BRINP1: variants seen among roughly 807,000 people sequenced by gnomAD.
BRINP1 encodes the protein BMP/retinoic acid inducible neural specific 1, also known as BMP/retinoic acid-inducible neural-specific protein 1.
A neutral mutation model predicts 72.9 loss-of-function variants in BRINP1; 17 were observed. That is an observed-to-expected ratio of 0.23 (90% CI 0.16 to 0.35). The LOEUF is 0.35. Among genes scored for constraint, BRINP1 ranks in the 10% least tolerant of loss-of-function variants. The pLI is 1.00. For synonymous variants in BRINP1, 418 were observed against 378.5 expected, an observed-to-expected ratio of 1.10 and a Z score of -1.21; for missense variants, 850 against 1,001.6, an observed-to-expected ratio of 0.85 and a Z score of 2.04.
At chr9:119,168,501 C>A (rs1829348668) in intron 7 of BRINP1, among the ~76,000 whole-genome samples, 1 of 140,354 alleles carries the variant, frequency 7.1e-6, no homozygotes, top group Non-Finnish European at 1.6e-5. Context: ...TCCTTGGGGT[C>A]CTTCCAGCTC....
chr9:119,213,389 T>C (rs1363099464), intron 6 of BRINP1, among the ~76,000 whole-genome samples: 1 of 152,208 alleles, frequency 6.6e-6, no homozygotes. Flanking sequence ...TTCTGAACTA[T>C]GAAAGGCAGA....
chr9:119,320,744 C>T (rs1040192560), intron 1 of BRINP1, among the ~76,000 whole-genome samples: 5 of 152,092 alleles, frequency 3.3e-5, no homozygotes, highest in South Asian at 2.1e-4. Flanking sequence ...GTTCAATGCT[C>T]GGCTATAATC....
intron 1 of BRINP1, among the ~76,000 whole-genome samples, chr9:119,314,057 T>C (rs990122710): frequency 6.6e-6 from 1 of 152,208 alleles, no homozygotes; most frequent in African/African-American, 2.4e-5. Flanking sequence ...TCATGGAGCT[T>C]GCTTACAGTT....
rs778632028 is a variant in BRINP1 at position 119,355,597 on chromosome 9, T to G, written c.-51+13459A>C. Among the ~76,000 whole-genome samples the G allele has an allele frequency of 2.2e-3, 337 of 151,914 alleles. 1 individual carries two copies. The highest frequency in any genetic ancestry group is 3.4e-3 in the Middle Eastern group (1 of 294). Reference sequence around the variant, plus strand: ...CAAAAAAATTAGCCGGGCGTGGTGGTGGGTGCCTGTAGTCCCAGCTACTCG... The same window carrying G: ...CAAAAAAATTAGCCGGGCGTGGTGGGGGGTGCCTGTAGTCCCAGCTACTCG... On this transcript the variant is annotated intron_variant, in intron 1 of 7. Coordinates refer to ENST00000265922, the MANE Select transcript of BRINP1 (RefSeq NM_014618.3).
At chr9:119,233,645 T>C (rs557917589) in intron 5 of BRINP1, among the ~76,000 whole-genome samples, 14 of 152,296 alleles carry the variant, frequency 9.2e-5, no homozygotes, top group Admixed American at 7.2e-4. Context: ...AATAGATACG[T>C]ATTGTATACA....
intron 7 of BRINP1, among the ~76,000 whole-genome samples, chr9:119,203,830 C>T (rs907943715): frequency 1.3e-5 from 2 of 152,140 alleles, no homozygotes; most frequent in Non-Finnish European, 2.9e-5. Flanking sequence ...TGATAGTCAC[C>T]TCTAGCTCCA....
intron 5 of BRINP1, among the ~76,000 whole-genome samples, chr9:119,237,563 C>A (rs918527283): frequency 6.6e-6 from 1 of 151,908 alleles, no homozygotes; most frequent in Admixed American, 6.6e-5. Context: ...GGGGTTTCAC[C>A]GCGTTAGCCA....
chr9:119,236,920 C>T lies in BRINP1; in HGVS notation c.685+1735G>A, dbSNP rs1033005198. On this transcript the variant is annotated intron_variant, in intron 5 of 7. Coordinates refer to ENST00000265922, the MANE Select transcript of BRINP1 (RefSeq NM_014618.3). The stretch of plus-strand genomic sequence containing the variant: ...TTGTTATTTAATAGTAAACCACTTT[C>T]TTGGCCTGAATTTCCCTGAGGGATT... 3.9e-5 allele frequency among the ~76,000 whole-genome samples: 6 copies of T among 152,182 alleles called. No homozygotes were observed. The East Asian group carries it at 9.6e-4, about 24-fold the overall frequency.
chr9:119,211,180 ATTTATT>A (rs1829922990), intron 6 of BRINP1, among the ~76,000 whole-genome samples: 1 of 128,912 alleles, frequency 7.8e-6, no homozygotes, highest in Non-Finnish European at 1.6e-5. Context: ...TTATTTATTT[ATTTATT>A]TATTTATTTA....
chr9:119,242,009 T>C, intron 4 of BRINP1, 38 bp downstream of exon 4: 5 of 1,600,524 alleles, frequency 3.1e-6, no homozygotes, highest in East Asian at 2.2e-5. Flanking sequence ...TGTTGTTGTA[T>C]TGAGAACCTG....
intron 1 of BRINP1, among the ~76,000 whole-genome samples, chr9:119,325,753 C>A (rs1294582962): frequency 1.3e-5 from 2 of 152,210 alleles, no homozygotes; most frequent in Non-Finnish European, 1.5e-5. Context: ...CCTAATCTAG[C>A]AGATCCAGCC....
chr9:119,168,971 C>T (rs988722764), intron 7 of BRINP1, among the ~76,000 whole-genome samples: 1 of 152,148 alleles, frequency 6.6e-6, no homozygotes, highest in Non-Finnish European at 1.5e-5. Flanking sequence ...ACCCAGCAAT[C>T]CCATTATTGG....
At chr9:119,300,562 C>T (rs183236836) in intron 2 of BRINP1, among the ~76,000 whole-genome samples, 1 of 152,156 alleles carries the variant, frequency 6.6e-6, no homozygotes. Flanking sequence ...CCCACTGTGT[C>T]CCACAGTGTC....
chr9:119,349,535 C>T (rs1270490300), intron 1 of BRINP1, among the ~76,000 whole-genome samples: 3 of 152,042 alleles, frequency 2.0e-5, no homozygotes, highest in Non-Finnish European at 4.4e-5. Flanking sequence ...ACACTTGTAA[C>T]AATAAAAATA....
At chr9:119,278,218 T>A (rs1830674967) in intron 2 of BRINP1, among the ~76,000 whole-genome samples, 1 of 152,152 alleles carries the variant, frequency 6.6e-6, no homozygotes, top group East Asian at 1.9e-4. Context: ...AACCTCTGAC[T>A]TCCTGGAGCC....
intron 2 of BRINP1, among the ~76,000 whole-genome samples, chr9:119,298,758 C>A (rs1458503027): frequency 6.6e-6 from 1 of 152,120 alleles, no homozygotes; most frequent in Non-Finnish European, 1.5e-5. Context: ...TAAAACATTC[C>A]AGTCTCTAAC....
At chr9:119,310,750 T>C (rs1268479306) in intron 2 of BRINP1, among the ~76,000 whole-genome samples, 1 of 152,172 alleles carries the variant, frequency 6.6e-6, no homozygotes. Context: ...GTTTGTAACG[T>C]GCCGTGTCCA....
At chr9:119,286,530 G>A (rs1250636217) in intron 2 of BRINP1, among the ~76,000 whole-genome samples, 4 of 152,158 alleles carry the variant, frequency 2.6e-5, no homozygotes, top group East Asian at 3.8e-4. Flanking sequence ...CACTGCGCCC[G>A]GCCATCGCCA....
chr9:119,291,016 C>T (rs917675285), intron 2 of BRINP1, among the ~76,000 whole-genome samples: 2 of 150,972 alleles, frequency 1.3e-5, no homozygotes, highest in African/African-American at 4.9e-5. Context: ...CCAGCTACTT[C>T]GGAGGCTGAG....
Sources: gnomAD v4.1 joint callset for allele counts (sites outside exome capture counted in the v4.1 genomes callset) on GRCh38, gnomAD v4.1.1 for gene constraint, MANE v1.5 for transcripts, NCBI Gene and HGNC (gene_info 2026-07-23, HGNC 2026-07-21) for gene names.